The following CEP192 variants were observed in gnomAD, a reference collection of about 807,000 sequenced individuals.
CEP192 encodes centrosomal protein of 192 kDa.
CEP192 carries 151 observed loss-of-function variants against 271.8 expected under a neutral mutation model. That is an observed-to-expected ratio of 0.56 (90% CI 0.49 to 0.64). CEP192 has a LOEUF of 0.64. CEP192 is among the 30% of genes least tolerant of loss of function. CEP192 has a pLI of 0.00. For missense variants in CEP192, 2,910 were observed against 3,020.5 expected, an observed-to-expected ratio of 0.96 and a Z score of 0.86; for synonymous variants, 995 against 1,076.5, an observed-to-expected ratio of 0.92 and a Z score of 1.48.
chr18:13,025,191 T>C (rs1342205000), intron 9 of CEP192, among the ~76,000 whole-genome samples: 1 of 152,128 alleles, frequency 6.6e-6, no homozygotes, highest in Non-Finnish European at 1.5e-5. Flanking sequence ...TTCTTCTCTT[T>C]GTGGTTTTAT....
At chr18:13,007,853 T>A (rs1170530944) in intron 3 of CEP192, among the ~76,000 whole-genome samples, 1 of 152,238 alleles carries the variant, frequency 6.6e-6, no homozygotes, top group Non-Finnish European at 1.5e-5. Flanking sequence ...TGTCATGTAA[T>A]GAATTTGTTG....
intron 38 of CEP192, among the ~76,000 whole-genome samples, chr18:13,101,503 GT>G (rs2039703091): frequency 6.6e-6 from 1 of 152,144 alleles, no homozygotes; most frequent in African/African-American, 2.4e-5. Context: ...TTCCTCGAGA[GT>G]CCTGCGATCA....
chr18:13,063,249 A>T (rs983293707), intron 21 of CEP192, among the ~76,000 whole-genome samples: 4 of 152,188 alleles, frequency 2.6e-5, no homozygotes, highest in African/African-American at 9.7e-5. Context: ...GAATAGCTGG[A>T]TCACATGGTA....
chr18:13,083,133 T>C (rs1365735250), intron 30 of CEP192, among the ~76,000 whole-genome samples: 1 of 152,198 alleles, frequency 6.6e-6, no homozygotes, highest in Non-Finnish European at 1.5e-5. Context: ...ATCTTTGTGG[T>C]GTTCTCTGTA....
rs984459635 is a variant in CEP192 at position 13,065,693 on chromosome 18, A to T, written c.4489-2138A>T. The stretch of plus-strand genomic sequence containing the variant: ...AGGCTTTACAAGTTATATTCCATGC[A>T]CTCTTTGGACAGAGTTCTAAAAGAG... On this transcript the variant is annotated intron_variant, in intron 21 of 44. Coordinates refer to ENST00000506447, the MANE Select transcript of CEP192 (RefSeq NM_032142.4). 2.0e-5 allele frequency among the ~76,000 whole-genome samples: 3 copies of T among 152,102 alleles called. No individual in the cohort carries two copies. The South Asian group carries it at 6.2e-4, about 31-fold the overall frequency.
At chr18:13,114,595 G>A (rs2040350211) in intron 42 of CEP192, among the ~76,000 whole-genome samples, 1 of 151,906 alleles carries the variant, frequency 6.6e-6, no homozygotes, top group Non-Finnish European at 1.5e-5. Context: ...TTATTGTTTA[G>A]TATTCCATTA....
Position 13,099,544 on chromosome 18 carries a change from GTGGTTTGATC to G in CEP192, c.6628_6637del (p.Gly2210IlefsTer12). ...ACAAAACAGTCAATGTTCCCGTGGAGTGGTTTGATCTATATACACTGTGACGATGGACAGA... is the reference window on the plus strand; with the variant it reads ...ACAAAACAGTCAATGTTCCCGTGGAGTATATACACTGTGACGATGGACAGA... On this transcript the variant is annotated frameshift_variant, in exon 37 of 45. Coordinates refer to ENST00000506447, the MANE Select transcript of CEP192 (RefSeq NM_032142.4). LOFTEE classifies it high-confidence loss of function. The G allele has an allele frequency of 6.2e-7, 1 of 1,604,306 alleles. No homozygotes were observed. Among genetic ancestry groups the G allele is most frequent in the Non-Finnish European group, 8.5e-7 (1 of 1,175,686 alleles).
intron 44 of CEP192, among the ~76,000 whole-genome samples, chr18:13,119,562 T>C (rs1375600484): frequency 6.6e-6 from 1 of 152,128 alleles, no homozygotes; most frequent in Non-Finnish European, 1.5e-5. Context: ...GCCAACATTA[T>C]GAAACCCCAT....
intron 38 of CEP192, among the ~76,000 whole-genome samples, chr18:13,101,930 C>T (rs867139872): frequency 6.6e-6 from 1 of 152,150 alleles, no homozygotes; most frequent in African/African-American, 2.4e-5. Context: ...GCTTCCATGA[C>T]TGCCGGGTGT....
chr18:13,061,556 GT>G (rs903518250), intron 21 of CEP192, among the ~76,000 whole-genome samples: 4 of 152,164 alleles, frequency 2.6e-5, no homozygotes, highest in African/African-American at 7.2e-5. Context: ...TCTTTATAAA[GT>G]TTTTTTTCCA....
chr18:13,113,440 A>G lies in CEP192; in HGVS notation c.7048-146A>G, dbSNP rs888226088. ...AACCCGCTAGAAATGAAATTGTCCA[A>G]ATTCTTTCAATTAATGGCAAAACTA... On this transcript the variant is annotated intron_variant, in intron 40 of 44. Coordinates refer to ENST00000506447, the MANE Select transcript of CEP192 (RefSeq NM_032142.4). 3.9e-6 allele frequency: 3 copies of G among 768,354 alleles called. No individual in the cohort carries two copies. The African/African-American group carries it at 5.4e-5, about 14-fold the overall frequency. The allele number at this position is 768,354 out of a possible 1,614,324, so 47.6% of individuals were successfully genotyped here.
At chr18:13,108,156 G>A (rs937944873) in intron 40 of CEP192, among the ~76,000 whole-genome samples, 2 of 152,034 alleles carry the variant, frequency 1.3e-5, no homozygotes, top group Non-Finnish European at 2.9e-5. Flanking sequence ...AACTCAAGGT[G>A]GATTAAATAT....
chr18:13,048,756 C>A, intron 15 of CEP192, 103 bp from the exon 16 acceptor site: 1 of 726,808 alleles, frequency 1.4e-6, no homozygotes, highest in Non-Finnish European at 2.3e-6. Context: ...TTCAGGTATC[C>A]ACTTGGAGGT....
Position 13,015,457 on chromosome 18 carries a change from G to A in CEP192, c.640+9G>A. 1.9e-6 allele frequency: 3 copies of A among 1,550,722 alleles called. No homozygotes were observed. The highest frequency in any genetic ancestry group is 2.6e-6 in the Non-Finnish European group (3 of 1,146,580). ...CTTGGAAGATTCTTCTGGTACTGCA[G>A]AGTAACCTGTGTTTCCCTGGTCTTC... On this transcript the variant is annotated intron_variant, in intron 6 of 44. Coordinates refer to ENST00000506447, the MANE Select transcript of CEP192 (RefSeq NM_032142.4).
chr18:13,075,436 C>A (rs1439458931), intron 30 of CEP192, among the ~76,000 whole-genome samples: 1 of 152,114 alleles, frequency 6.6e-6, no homozygotes, highest in East Asian at 1.9e-4. Context: ...CATGGTGGCA[C>A]ACACCTGTAG....
intron 4 of CEP192, among the ~76,000 whole-genome samples, chr18:13,011,572 C>T (rs1288447521): frequency 6.6e-6 from 1 of 151,998 alleles, no homozygotes; most frequent in African/African-American, 2.4e-5. Context: ...ACACCTAGTG[C>T]GTGGTGTGAT....
In CEP192 at chr18:13,018,480, G is replaced by A; in HGVS notation, c.790G>A (p.Ala264Thr). The change falls in exon 8 of 45, where the codon GCA (alanine) becomes ACA (threonine). Residue 264 changes from alanine to threonine, a missense_variant and splice_region_variant. By Grantham distance (58) the Ala-to-Thr change is moderately conservative. Coordinates refer to ENST00000506447, the MANE Select transcript of CEP192 (RefSeq NM_032142.4). ...TACAGCTAAGATATTCTTTCAACAG[G>A]CAAATGAAAACGGTAGCTTAAACTG... ...FKLPTNGLRQ[A>T]NENGSLNCKF... The A allele has an allele frequency of 4.0e-6, 6 of 1,510,014 alleles. No homozygotes were observed. Among genetic ancestry groups the A allele is most frequent in the Non-Finnish European group, 5.3e-6 (6 of 1,122,136 alleles). 93.5% of individuals were successfully genotyped at this position (1,510,014 alleles called of 1,614,324 possible). A position where few individuals can be genotyped will look rare whatever the true frequency, so the allele number is the denominator to read the frequency against.
Position 13,056,834 on chromosome 18 carries a change from C to T in CEP192, c.4108+136C>T. ...TGTGCTTCTTCCTAAACTGAGAACACCGTGTATTTCTGTGCAAGCGTCCCT... is the reference window on the plus strand; with the variant it reads ...TGTGCTTCTTCCTAAACTGAGAACATCGTGTATTTCTGTGCAAGCGTCCCT... On this transcript the variant is annotated intron_variant, in intron 19 of 44. Transcript: ENST00000506447. The T allele has an allele frequency of 5.0e-5, 38 of 766,602 alleles. No homozygotes were observed. In the South Asian group the frequency reaches 6.8e-4, roughly 14 times the overall value. The allele number at this position is 766,602 out of a possible 1,614,324, so 47.5% of individuals were successfully genotyped here. A position where few individuals can be genotyped will look rare whatever the true frequency, so the allele number is the denominator to read the frequency against.
chr18:13,041,632 C>A (rs932579221), intron 14 of CEP192, among the ~76,000 whole-genome samples: 1 of 147,652 alleles, frequency 6.8e-6, no homozygotes, highest in African/African-American at 2.5e-5. Flanking sequence ...GTGGCGTGAT[C>A]TCGGCTCACT....
Sources: gnomAD v4.1 joint callset for allele counts (sites outside exome capture counted in the v4.1 genomes callset) on GRCh38, gnomAD v4.1.1 for gene constraint, MANE v1.5 for transcripts, NCBI Gene and HGNC (gene_info 2026-07-23, HGNC 2026-07-21) for gene names.